Variants in HHAT observed in about 807,000 individuals in gnomAD.
HHAT encodes hedgehog acyltransferase, also known as protein-cysteine N-palmitoyltransferase HHAT.
HHAT carries 47 observed loss-of-function variants against 70.8 expected under a neutral mutation model. That is an observed-to-expected ratio of 0.66 (90% CI 0.53 to 0.85). The LOEUF is 0.85. Ranked by LOEUF, HHAT falls within the 40% of genes least tolerant of loss-of-function variation. The pLI, the probability that HHAT is intolerant of heterozygous loss-of-function variation, is 0.00. For missense variants in HHAT, 609 were observed against 604.8 expected (o/e 1.01, Z -0.07); for synonymous variants, 228 against 247.6 (o/e 0.92, Z 0.74).
intron 8 of HHAT, among the ~76,000 whole-genome samples, chr1:210,507,638 C>T (rs1299354414): frequency 2.6e-5 from 4 of 151,928 alleles, no homozygotes; most frequent in African/African-American, 4.8e-5. Flanking sequence ...GGATTACAGG[C>T]GTGAGCTACC....
At chr1:210,354,702 A>C (rs2087433613) in intron 2 of HHAT, among the ~76,000 whole-genome samples, 1 of 152,022 alleles carries the variant, frequency 6.6e-6, no homozygotes, top group African/African-American at 2.4e-5. Flanking sequence ...TTGATTTCTC[A>C]ATCAATTCTT....
At chr1:210,672,195 A>T (rs187758128) in intron 11 of HHAT, among the ~76,000 whole-genome samples, 164 of 152,336 alleles carry the variant, frequency 1.1e-3, no homozygotes, top group Non-Finnish European at 1.9e-3. Flanking sequence ...ATTTGAACTC[A>T]TCCCATTTAA....
At chr1:210,375,460 C>T (rs1252912468) in intron 3 of HHAT, among the ~76,000 whole-genome samples, 1 of 152,074 alleles carries the variant, frequency 6.6e-6, no homozygotes, top group African/African-American at 2.4e-5. Context: ...TGTATGTATG[C>T]CATATCCTTT....
chr1:210,634,308 T>A (rs1270820405), intron 11 of HHAT, among the ~76,000 whole-genome samples: 1 of 152,116 alleles, frequency 6.6e-6, no homozygotes, highest in Non-Finnish European at 1.5e-5. Context: ...GGAATGTGGA[T>A]TTTTGCTGGG....
chr1:210,387,156 T>A (rs1026910433), intron 3 of HHAT, among the ~76,000 whole-genome samples: 11 of 152,196 alleles, frequency 7.2e-5, no homozygotes, highest in Admixed American at 5.2e-4. Context: ...ATAGCATCTA[T>A]ACTACAGAGG....
At chr1:210,385,507 G>A (rs997437463) in intron 3 of HHAT, among the ~76,000 whole-genome samples, 2 of 152,146 alleles carry the variant, frequency 1.3e-5, no homozygotes, top group African/African-American at 4.8e-5. Context: ...CTGGCTGTGT[G>A]TTTGTGGGCA....
chr1:210,612,613 T>C (rs1349050775), intron 10 of HHAT, among the ~76,000 whole-genome samples: 1 of 152,216 alleles, frequency 6.6e-6, no homozygotes, highest in African/African-American at 2.4e-5. Context: ...TGTACACTGG[T>C]GTACAAATAT....
intron 11 of HHAT, among the ~76,000 whole-genome samples, chr1:210,671,884 C>G (rs1209177457): frequency 1.3e-5 from 2 of 152,246 alleles, no homozygotes; most frequent in South Asian, 4.1e-4. Context: ...GCCCTCACCT[C>G]TCTTGCCTGC....
chr1:210,558,303 G>A (rs1383541999), intron 9 of HHAT, among the ~76,000 whole-genome samples: 1 of 152,218 alleles, frequency 6.6e-6, no homozygotes, highest in Non-Finnish European at 1.5e-5. Context: ...GATAGTGGGA[G>A]CTTTAAAATG....
At chr1:210,611,360 A>T (rs1289282584) in intron 10 of HHAT, among the ~76,000 whole-genome samples, 2 of 151,954 alleles carry the variant, frequency 1.3e-5, no homozygotes, top group African/African-American at 4.8e-5. Flanking sequence ...CATGATTTTT[A>T]TATGCTGAGA....
At chr1:210,488,180 G>C (rs1193053698) in intron 8 of HHAT, among the ~76,000 whole-genome samples, 4 of 152,168 alleles carry the variant, frequency 2.6e-5, no homozygotes, top group Non-Finnish European at 5.9e-5. Context: ...TTATAACACA[G>C]AAGGAAAATC....
intron 11 of HHAT, among the ~76,000 whole-genome samples, chr1:210,632,556 T>G (rs1405187288): frequency 6.6e-6 from 1 of 152,198 alleles, no homozygotes; most frequent in East Asian, 1.9e-4. Flanking sequence ...GCCGCCATTT[T>G]GGACATGCCT....
chr1:210,625,464 A>G (rs2148878861), intron 11 of HHAT, among the ~76,000 whole-genome samples: 1 of 152,342 alleles, frequency 6.6e-6, no homozygotes, highest in African/African-American at 2.4e-5. Context: ...GCTCACACGA[A>G]TGTGAGTGCC....
intron 9 of HHAT, among the ~76,000 whole-genome samples, chr1:210,524,154 G>A (rs2095208152): frequency 6.6e-6 from 1 of 152,224 alleles, no homozygotes; most frequent in South Asian, 2.1e-4. Context: ...ATAAGCTCTG[G>A]AGATCCACTG....
chr1:210,442,889 C>T (rs543052503), intron 7 of HHAT, among the ~76,000 whole-genome samples: 2,689 of 152,084 alleles, frequency 0.018, 29 homozygotes, highest in Middle Eastern at 0.031. Flanking sequence ...GCTTTTGTTG[C>T]CATTGCTTTT....
chr1:210,484,748 C>T (rs2094449347), intron 8 of HHAT, among the ~76,000 whole-genome samples: 1 of 152,134 alleles, frequency 6.6e-6, no homozygotes, highest in African/African-American at 2.4e-5. Flanking sequence ...TATATGGATG[C>T]ACCACTTCCT....
At chr1:210,340,492 T>G (rs1232501073) in intron 1 of HHAT, among the ~76,000 whole-genome samples, 1 of 152,220 alleles carries the variant, frequency 6.6e-6, no homozygotes, top group African/African-American at 2.4e-5. Flanking sequence ...GGCATGTGCT[T>G]CTTTCACTTT....
intron 3 of HHAT, among the ~76,000 whole-genome samples, chr1:210,382,256 G>T (rs1187582534): frequency 6.6e-6 from 1 of 152,200 alleles, no homozygotes; most frequent in Non-Finnish European, 1.5e-5. Flanking sequence ...CTCCACGGGT[G>T]GGTGACAAGC....
intron 8 of HHAT, among the ~76,000 whole-genome samples, chr1:210,494,494 C>A (rs529173804): frequency 1.4e-5 from 2 of 143,482 alleles, no homozygotes; most frequent in African/African-American, 5.2e-5. Context: ...GGAAGGCTAC[C>A]GGAGGAGGAG....
Sources: allele counts gnomAD v4.1 joint callset (sites outside exome capture counted in the v4.1 genomes callset), GRCh38; gene constraint gnomAD v4.1.1; transcripts MANE v1.5; gene names NCBI Gene and HGNC (gene_info 2026-07-23, HGNC 2026-07-21).